TSGA10: variants seen among roughly 807,000 people sequenced by gnomAD.
TSGA10 encodes the protein testis specific 10.
In TSGA10, 43 loss-of-function variants were observed where a neutral mutation model predicts 96.6. The ratio of observed to expected loss-of-function variants is 0.44; its 90% CI spans 0.35 to 0.57. The LOEUF is 0.57. Among genes scored for constraint, TSGA10 ranks in the 20% least tolerant of loss-of-function variants. TSGA10 has a pLI of 0.01. For missense variants in TSGA10, 703 were observed against 834.4 expected (o/e 0.84, Z 1.94); for synonymous variants, 229 against 269.9 (o/e 0.85, Z 1.48).
In TSGA10 at chr2:99,051,824, A is replaced by G. The variant is rs796910107; in HGVS notation, c.1404+13115T>C. On this transcript the variant is annotated intron_variant, in intron 16 of 20. Coordinates refer to ENST00000393483, the MANE Select transcript of TSGA10 (RefSeq NM_025244.4). ...AAATTAAATTAGAAATGAATAACAGAAAAAAAGGGGAAACTAACAAATATG... is the reference window on the plus strand; with the variant it reads ...AAATTAAATTAGAAATGAATAACAGGAAAAAAGGGGAAACTAACAAATATG... Among the ~76,000 whole-genome samples the G allele has an allele frequency of 1.3e-4, 20 of 152,190 alleles. 1 individual carries two copies. The South Asian group carries it at 3.3e-3, about 25-fold the overall frequency.
At chr2:99,063,388 C>G (rs917606821) in intron 16 of TSGA10, among the ~76,000 whole-genome samples, 46 of 152,154 alleles carry the variant, frequency 3.0e-4, no homozygotes, top group African/African-American at 1.1e-3. Flanking sequence ...CTGAGTATAT[C>G]AGAACTGAAC....
At chr2:99,109,920 A>G (rs1344839670) in intron 5 of TSGA10, among the ~76,000 whole-genome samples, 1 of 151,892 alleles carries the variant, frequency 6.6e-6, no homozygotes, top group Non-Finnish European at 1.5e-5. Flanking sequence ...ATCCCAGCAC[A>G]TTGGGAGGCC....
At chr2:99,088,227 G>A (rs1344390010) in intron 10 of TSGA10, among the ~76,000 whole-genome samples, 2 of 152,032 alleles carry the variant, frequency 1.3e-5, no homozygotes, top group Admixed American at 6.5e-5. Context: ...CTCTTTCTGT[G>A]GTTTCAGTTA....
At chr2:99,087,073 G>A (rs1474022554) in intron 10 of TSGA10, among the ~76,000 whole-genome samples, 2 of 152,044 alleles carry the variant, frequency 1.3e-5, no homozygotes, top group Non-Finnish European at 1.5e-5. Context: ...GTGTGGTGGT[G>A]GGCACCTGTA....
Position 98,998,087 on chromosome 2 carries a change from C to A in TSGA10, c.*110G>T. The A allele has an allele frequency of 1.1e-6, 1 of 918,092 alleles. No individual in the cohort carries two copies. The highest frequency in any genetic ancestry group is 1.6e-5 in the South Asian group (1 of 61,980). 56.9% of individuals were successfully genotyped at this position (918,092 alleles called of 1,614,324 possible). A position where few individuals can be genotyped will look rare whatever the true frequency, so the allele number is the denominator to read the frequency against. ...TTCAGAGACACAAAGTTAATAAATA[C>A]ATTTAACATTGCCAAGCATTTAAAA... On this transcript the variant is annotated 3_prime_UTR_variant, in exon 21 of 21. Transcript: ENST00000393483.
chr2:99,032,618 T>C (rs1165430125), intron 17 of TSGA10, among the ~76,000 whole-genome samples: 1 of 152,176 alleles, frequency 6.6e-6, no homozygotes, highest in Admixed American at 6.5e-5. Flanking sequence ...CTTCATCAAA[T>C]GTGTCTCCAC....
intron 16 of TSGA10, among the ~76,000 whole-genome samples, chr2:99,055,031 T>A (rs1010577129): frequency 6.6e-6 from 1 of 152,148 alleles, no homozygotes; most frequent in Non-Finnish European, 1.5e-5. Context: ...GGAAATGAAA[T>A]CAGTATGTCA....
At chr2:99,131,244 T>C (rs1471413954) in intron 1 of TSGA10, among the ~76,000 whole-genome samples, 1 of 152,250 alleles carries the variant, frequency 6.6e-6, no homozygotes, top group Non-Finnish European at 1.5e-5. Flanking sequence ...TATTGATTCT[T>C]CTGATCCATG....
At chr2:99,035,610 A>C (rs1409514502) in intron 16 of TSGA10, among the ~76,000 whole-genome samples, 171 bp from the exon 17 acceptor site, 1 of 140,560 alleles carries the variant, frequency 7.1e-6, no homozygotes, top group Non-Finnish European at 1.5e-5. Context: ...AGATAAATTC[A>C]GGTTTTGACT....
chr2:99,141,211 C>G (rs998379825), intron 1 of TSGA10: 138 of 1,130,652 alleles, frequency 1.2e-4, no homozygotes, highest in Non-Finnish European at 1.5e-4. Context: ...CCGCCCCTTT[C>G]TCCTCCCTTC....
At chr2:99,130,201 C>T (rs1321658014) in intron 1 of TSGA10, among the ~76,000 whole-genome samples, 3 of 152,192 alleles carry the variant, frequency 2.0e-5, no homozygotes, top group Admixed American at 6.5e-5. Context: ...CCTGAGGAAT[C>T]GCCACACTGT....
chr2:99,154,873 C>A lies in TSGA10; in HGVS notation c.-801G>T. ...GCGGGCTGCCGGGACCCCACGGCTC[C>A]GCAGGCGGAGAGACTAGGCGCGATC... On this transcript the variant is annotated 5_prime_UTR_variant, in exon 1 of 21. Coordinates refer to ENST00000393483, the MANE Select transcript of TSGA10 (RefSeq NM_025244.4). 1 of 357,800 alleles carries A rather than the reference C, an allele frequency of 2.8e-6. No homozygotes were observed. The highest frequency in any genetic ancestry group is 3.7e-5 in the Admixed American group (1 of 27,312). The allele number at this position is 357,800 out of a possible 1,614,324, so 22.2% of individuals were successfully genotyped here.
At chr2:99,004,072 G>C (rs762421111) in intron 20 of TSGA10, among the ~76,000 whole-genome samples, 1 of 152,106 alleles carries the variant, frequency 6.6e-6, no homozygotes, top group Non-Finnish European at 1.5e-5. Flanking sequence ...AAGAAGAAAA[G>C]AGAGAAGAAT....
chr2:99,064,886 A>T, intron 16 of TSGA10, 53 bp downstream of exon 16: 1 of 1,445,716 alleles, frequency 6.9e-7, no homozygotes, highest in Non-Finnish European at 9.2e-7. Context: ...GCCAAACAAA[A>T]CTCTTTTAAA....
At chr2:99,057,223 G>A (rs2084111794) in intron 16 of TSGA10, among the ~76,000 whole-genome samples, 1 of 152,042 alleles carries the variant, frequency 6.6e-6, no homozygotes. Flanking sequence ...TCTAGCCAGG[G>A]TAGTTAGGCA....
intron 4 of TSGA10, among the ~76,000 whole-genome samples, chr2:99,112,560 C>T (rs2104869862): frequency 1.3e-5 from 2 of 151,988 alleles, no homozygotes; most frequent in South Asian, 4.2e-4. Flanking sequence ...GAAAGGTGAC[C>T]TTTGACCAAA....
At chr2:99,124,663 C>A (rs1376211268) in intron 2 of TSGA10, 1 of 152,142 alleles carries the variant, frequency 6.6e-6, no homozygotes, top group Non-Finnish European at 1.5e-5. Context: ...TGGCTCACTG[C>A]AACCTCTGCC....
At chr2:99,140,110 G>A (rs1574716997) in intron 1 of TSGA10, among the ~76,000 whole-genome samples, 1 of 152,170 alleles carries the variant, frequency 6.6e-6, no homozygotes, top group Non-Finnish European at 1.5e-5. Context: ...TATTGTGGAA[G>A]CTGCCATTAA....
At chr2:99,113,660 C>G (rs2092002337) in intron 4 of TSGA10, among the ~76,000 whole-genome samples, 1 of 152,182 alleles carries the variant, frequency 6.6e-6, no homozygotes, top group Admixed American at 6.5e-5. Flanking sequence ...ATTCTCTGGC[C>G]TCAGCCTCCC....
Sources: allele counts gnomAD v4.1 joint callset (sites outside exome capture counted in the v4.1 genomes callset), GRCh38; gene constraint gnomAD v4.1.1; transcripts MANE v1.5; gene names NCBI Gene and HGNC (gene_info 2026-07-23, HGNC 2026-07-21).